CALCRL: variants seen among roughly 807,000 people sequenced by gnomAD.
CALCRL encodes the protein calcitonin receptor like receptor.
A neutral mutation model predicts 60.4 loss-of-function variants in CALCRL; 27 were observed. The ratio of observed to expected loss-of-function variants is 0.45; its 90% CI spans 0.33 to 0.62. The LOEUF is 0.62. Among genes scored for constraint, CALCRL ranks in the 20% least tolerant of loss-of-function variants. The pLI is 0.03. For missense variants in CALCRL, 424 were observed against 540.7 expected, an observed-to-expected ratio of 0.78 and a Z score of 2.14; for synonymous variants, 190 against 182.6, an observed-to-expected ratio of 1.04 and a Z score of -0.33.
intron 10 of CALCRL, among the ~76,000 whole-genome samples, chr2:187,360,134 G>T (rs1686985547): frequency 6.6e-6 from 1 of 151,876 alleles, no homozygotes; most frequent in Admixed American, 6.6e-5. Context: ...TAAATCTTTT[G>T]CATGCCTTTA....
At chr2:187,359,500 T>C (rs942859047) in intron 10 of CALCRL, among the ~76,000 whole-genome samples, 1 of 152,172 alleles carries the variant, frequency 6.6e-6, no homozygotes, top group African/African-American at 2.4e-5. Context: ...TTTCTTCTAC[T>C]ATAATTCATA....
At chr2:187,425,465 G>T (rs978517752) in intron 1 of CALCRL, among the ~76,000 whole-genome samples, 3 of 151,658 alleles carry the variant, frequency 2.0e-5, no homozygotes, top group Non-Finnish European at 4.4e-5. Context: ...ATATTTATTT[G>T]CTTATTAGTA....
chr2:187,411,113 A>G (rs1267760677), intron 1 of CALCRL, among the ~76,000 whole-genome samples: 2 of 152,166 alleles, frequency 1.3e-5, no homozygotes, highest in Non-Finnish European at 2.9e-5. Context: ...TCTCTTTTAA[A>G]TGGTACCCTT....
Position 187,347,644 on chromosome 2 carries a change from T to C in CALCRL, c.1171-1245A>G, listed in dbSNP as rs576061574. ...GGATTAAAACACACACACACACACATACACACACACACAAAACCTCAATTC... is the reference window on the plus strand; with the variant it reads ...GGATTAAAACACACACACACACACACACACACACACACAAAACCTCAATTC... On this transcript the variant is annotated intron_variant, in intron 14 of 14. Transcript: ENST00000392370. 8.9e-3 allele frequency among the ~76,000 whole-genome samples: 1,344 copies of C among 150,540 alleles called. 16 individuals carry two copies. The highest frequency in any genetic ancestry group is 0.031 in the African/African-American group (1,259 of 41,070).
chr2:187,399,308 G>C (rs1264441416), intron 1 of CALCRL, among the ~76,000 whole-genome samples: 1 of 151,362 alleles, frequency 6.6e-6, no homozygotes, highest in Non-Finnish European at 1.5e-5. Flanking sequence ...AGATGAAATA[G>C]TCTTAGCAGT....
intron 8 of CALCRL, among the ~76,000 whole-genome samples, chr2:187,366,340 T>C (rs1053065927): frequency 1.3e-5 from 2 of 151,008 alleles, no homozygotes; most frequent in African/African-American, 4.9e-5. Flanking sequence ...TTTAAATAGC[T>C]AGAAGGATTA....
chr2:187,400,237 T>C (rs915495602), intron 1 of CALCRL, among the ~76,000 whole-genome samples: 1 of 151,332 alleles, frequency 6.6e-6, no homozygotes, highest in Non-Finnish European at 1.5e-5. Flanking sequence ...TTAAAAAAAT[T>C]GATGGGCAAA....
In CALCRL at chr2:187,442,310, A is replaced by T. The variant is rs1167307647; in HGVS notation, c.-293+5729T>A. Among the ~76,000 whole-genome samples the T allele has an allele frequency of 3.3e-5, 5 of 151,220 alleles. No homozygotes were observed. In the South Asian group the frequency reaches 8.3e-4, roughly 25 times the overall value. The stretch of plus-strand genomic sequence containing the variant: ...AAGAACTCTTAACATAGCTAACAAA[A>T]AGGAGATCCTATGAAACTCATGCAA... On this transcript the variant is annotated intron_variant, in intron 1 of 14. Transcript: ENST00000392370.
At chr2:187,379,502 C>T (rs1687902891) in intron 7 of CALCRL, among the ~76,000 whole-genome samples, 1 of 152,090 alleles carries the variant, frequency 6.6e-6, no homozygotes, top group Non-Finnish European at 1.5e-5. Context: ...AATTTGTTAA[C>T]TTAGAAGATT....
Position 187,352,256 on chromosome 2 carries a change from T to C in CALCRL, c.986A>G (p.Asn329Ser). The C allele has an allele frequency of 6.2e-7, 1 of 1,612,278 alleles. No individual in the cohort carries two copies. The highest frequency in any genetic ancestry group is 8.5e-7 in the Non-Finnish European group (1 of 1,178,854). ...KLKVTHQAES[N>S]LYMKAVRATL... is the part of the protein sequence containing the mutation. Reference sequence around the variant, plus strand: ...AGCTCTCACAGCTTTCATGTACAGATTGGATTCCGCTTGGTGTGTAACTTT... The same window carrying C: ...AGCTCTCACAGCTTTCATGTACAGACTGGATTCCGCTTGGTGTGTAACTTT... The change falls in exon 13 of 15, where the codon AAT becomes AGT. Residue 329 changes from asparagine (N) to serine (S), a missense_variant. By Grantham distance (46) the Asn-to-Ser change is conservative. Transcript: ENST00000392370.
intron 1 of CALCRL, among the ~76,000 whole-genome samples, chr2:187,388,854 T>C (rs1057100474): frequency 9.9e-5 from 15 of 152,108 alleles, no homozygotes; most frequent in Non-Finnish European, 1.5e-5. Flanking sequence ...TGGTTTTATA[T>C]AGGCAAAATT....
At chr2:187,393,832 A>G (rs558739640) in intron 1 of CALCRL, among the ~76,000 whole-genome samples, 5 of 152,216 alleles carry the variant, frequency 3.3e-5, no homozygotes, top group Admixed American at 1.3e-4. Flanking sequence ...ACCAGGAACA[A>G]GCATTTTTTC....
chr2:187,426,677 T>C (rs1418499988), intron 1 of CALCRL, among the ~76,000 whole-genome samples: 2 of 152,094 alleles, frequency 1.3e-5, no homozygotes, highest in Non-Finnish European at 2.9e-5. Flanking sequence ...TTTGATTTTC[T>C]AGAGTTATGA....
At chr2:187,387,902 A>T (rs1426307454) in intron 1 of CALCRL, 146 bp from the exon 2 acceptor site, 6 of 357,084 alleles carry the variant, frequency 1.7e-5, no homozygotes, top group Non-Finnish European at 3.0e-5. Flanking sequence ...TCTTTTGCTT[A>T]CAATATATTT....
At chr2:187,350,874 T>C (rs1574205710) in intron 14 of CALCRL, among the ~76,000 whole-genome samples, 1 of 151,734 alleles carries the variant, frequency 6.6e-6, no homozygotes, top group East Asian at 1.9e-4. Flanking sequence ...ATTTCTAAAC[T>C]TTGTTCAATT....
At position 187,404,289 on chromosome 2, in the gene CALCRL, C is replaced by A. The variant is rs1278284623; in HGVS notation, c.-292-16533G>T. On this transcript the variant is annotated intron_variant, in intron 1 of 14. Transcript: ENST00000392370. ...TGCATTTTTATCAAAATATAAAATA[C>A]CCTGAAGAAACTAAAGAAGCAATAG... Among the ~76,000 whole-genome samples, 3 of 151,686 alleles carry A rather than the reference C, an allele frequency of 2.0e-5. 1 individual carries two copies. In the Admixed American group the frequency reaches 2.0e-4, roughly 10 times the overall value.
chr2:187,359,834 T>C (rs1686968622), intron 10 of CALCRL, among the ~76,000 whole-genome samples: 1 of 151,994 alleles, frequency 6.6e-6, no homozygotes, highest in South Asian at 2.1e-4. Context: ...TTAATCAGAA[T>C]ACACTAAAAT....
intron 1 of CALCRL, among the ~76,000 whole-genome samples, chr2:187,404,928 A>G (rs1689052165): frequency 6.6e-6 from 1 of 151,948 alleles, no homozygotes; most frequent in Non-Finnish European, 1.5e-5. Context: ...GAAGCGAGAC[A>G]CAGGGCAGAG....
At chr2:187,394,711 A>G (rs996465152) in intron 1 of CALCRL, among the ~76,000 whole-genome samples, 5 of 152,018 alleles carry the variant, frequency 3.3e-5, no homozygotes, top group African/African-American at 4.8e-5. Flanking sequence ...GATAATGAGT[A>G]TAAAACTTGA....
Sources: allele counts gnomAD v4.1 joint callset (sites outside exome capture counted in the v4.1 genomes callset), GRCh38; gene constraint gnomAD v4.1.1; transcripts MANE v1.5; gene names NCBI Gene and HGNC (gene_info 2026-07-23, HGNC 2026-07-21).